CYP27C1: variants seen among roughly 807,000 people sequenced by gnomAD.
CYP27C1 encodes cytochrome P450 family 27 subfamily C member 1.
A neutral mutation model predicts 40.6 loss-of-function variants in CYP27C1; 29 were observed. That is an observed-to-expected ratio of 0.71 (90% CI 0.53 to 0.97). The LOEUF is 0.97. Among genes scored for constraint, CYP27C1 ranks in the 50% least tolerant of loss-of-function variants. The pLI, the probability that CYP27C1 is intolerant of heterozygous loss-of-function variation, is 0.00. For synonymous variants in CYP27C1, 198 were observed against 186.8 expected, an observed-to-expected ratio of 1.06 and a Z score of -0.49; for missense variants, 390 against 485.8, an observed-to-expected ratio of 0.80 and a Z score of 1.85.
At chr2:127,194,254 G>A (rs372658277) in intron 6 of CYP27C1, among the ~76,000 whole-genome samples, 72 of 152,196 alleles carry the variant, frequency 4.7e-4, no homozygotes, top group Non-Finnish European at 9.6e-4. Context: ...ATACTTCGGC[G>A]ATCGGATTAT....
rs1372727098 is a variant in CYP27C1, at chr2:127,200,215, G to A, written c.884-676C>T. 2.0e-5 allele frequency among the ~76,000 whole-genome samples: 3 copies of A among 152,200 alleles called. No homozygotes were observed. The highest frequency in any genetic ancestry group is 4.4e-5 in the Non-Finnish European group (3 of 68,040). ...GGCTGGTCTTTAACTACTGACCTCA[G>A]GTGATCCTCCCACCTCGGCCTCCCA... On this transcript the variant is annotated intron_variant, in intron 4 of 8. Coordinates refer to ENST00000664447, the MANE Select transcript of CYP27C1 (RefSeq NM_001367502.1). The surrounding 1 kb of genome is among the most constrained non-coding windows in gnomAD (Gnocchi z 4.2).
chr2:127,206,507 C>T (rs1683232842), intron 1 of CYP27C1, among the ~76,000 whole-genome samples: 1 of 152,092 alleles, frequency 6.6e-6, no homozygotes, highest in Non-Finnish European at 1.5e-5. Flanking sequence ...AGGGGTCTCT[C>T]AATGTTGCCA....
In CYP27C1 at chr2:127,201,361, C is replaced by T; in HGVS notation, c.674-30G>A. On this transcript the variant is annotated intron_variant, in intron 3 of 8. Transcript: ENST00000664447. The surrounding 1 kb of genome is among the most constrained non-coding windows in gnomAD (Gnocchi z 6.0). ...ACAGGAAAGAGAATTTGAAAACCCT[C>T]TTCTAGATTATTTACCATACCAACA... is the stretch of plus-strand genomic sequence containing the variant. 1 of 1,596,018 alleles carries T rather than the reference C, an allele frequency of 6.3e-7. No individual in the cohort carries two copies. The highest frequency in any genetic ancestry group is 8.6e-7 in the Non-Finnish European group (1 of 1,167,436).
chr2:127,187,495 G>A (rs1682658030), intron 8 of CYP27C1, 108 bp from the exon 9 acceptor site: 9 of 926,028 alleles, frequency 9.7e-6, no homozygotes, highest in South Asian at 4.5e-5. Context: ...TGCAGAGAGC[G>A]CAGGCAATGA....
rs1264995138 is a variant in CYP27C1 at position 127,218,554 on chromosome 2, T to G, written c.282+1435A>C. Among the ~76,000 whole-genome samples, 1 of 152,074 alleles carries G rather than the reference T, an allele frequency of 6.6e-6. No homozygotes were observed. The highest frequency in any genetic ancestry group is 1.5e-5 in the Non-Finnish European group (1 of 68,022). Reference sequence around the variant, plus strand: ...CCTGGCATTAAAATTAAATTAAATTTTAATTCCCGGCCGAATTAAAATTGC... The same window carrying G: ...CCTGGCATTAAAATTAAATTAAATTGTAATTCCCGGCCGAATTAAAATTGC... On this transcript the variant is annotated intron_variant, in intron 1 of 8. Transcript: ENST00000664447. This position sits in a 1 kb window ranked among gnomAD's most constrained non-coding sequence, Gnocchi z 6.0.
intron 1 of CYP27C1, among the ~76,000 whole-genome samples, chr2:127,211,090 T>C (rs569522058): frequency 1.2e-4 from 19 of 152,268 alleles, no homozygotes; most frequent in South Asian, 2.1e-4. Context: ...TGGCACTTAT[T>C]TGTCAATTAA....
Position 127,204,464 on chromosome 2 carries a change from GAAAGAAAGAAAGAAAGAAAGA to G in CYP27C1, c.474-914_474-894del, listed in dbSNP as rs1558930950. Among the ~76,000 whole-genome samples the G allele has an allele frequency of 1.6e-3, 110 of 70,676 alleles. 2 individuals carry two copies. Among genetic ancestry groups the G allele is most frequent in the Non-Finnish European group, 2.5e-3 (87 of 34,738 alleles). 46.4% of individuals were successfully genotyped at this position (70,676 alleles called of 152,430 possible). A position where few individuals can be genotyped will look rare whatever the true frequency, so the allele number is the denominator to read the frequency against. On this transcript the variant is annotated intron_variant, in intron 2 of 8. Transcript: ENST00000664447. ...AAAAAGAAAGAAAGAAAGAAAGAAAGAAAGAAAGAAAGAAAGAAAGAAAGGAAGGAAGGAAGGAAGGAAAGA... is the reference window on the plus strand; with the variant it reads ...AAAAAGAAAGAAAGAAAGAAAGAAAGAAGGAAGGAAGGAAGGAAGGAAAGA...
chr2:127,212,674 A>G (rs575340438), intron 1 of CYP27C1, among the ~76,000 whole-genome samples: 3 of 152,352 alleles, frequency 2.0e-5, no homozygotes, highest in East Asian at 3.9e-4. Context: ...TCTCAAAATA[A>G]TAAGAGCTAT....
At chr2:127,205,787 G>T (rs1024351711) in intron 2 of CYP27C1, 113 bp downstream of exon 2, 2 of 983,398 alleles carry the variant, frequency 2.0e-6, no homozygotes, top group East Asian at 1.1e-4. Context: ...CATTCCATGG[G>T]GGGGTTCTGT....
Position 127,212,529 on chromosome 2 carries a change from C to T in CYP27C1, c.283-6439G>A, listed in dbSNP as rs183765594. 1.2e-4 allele frequency among the ~76,000 whole-genome samples: 18 copies of T among 152,268 alleles called. No homozygotes were observed. In the East Asian group the frequency reaches 2.5e-3, roughly 21 times the overall value. ...GTTTTAACATACACAAATCAATAAA[C>T]GTAATCCATCACATAAACAGAACCA... On this transcript the variant is annotated intron_variant, in intron 1 of 8. Coordinates refer to ENST00000664447, the MANE Select transcript of CYP27C1 (RefSeq NM_001367502.1).
At position 127,187,373 on chromosome 2, in the gene CYP27C1, A is replaced by G; in HGVS notation, c.1512T>C (p.Phe504=). ...TGGTCTGAGAAGATGTTTTGATCTC[A>G]AAATGTTGAAGCAACTAAGAAGAGA... ...HLVVIQLLQH[F]EIKTSSQTNA... is the part of the protein sequence containing the mutation. The change falls in exon 9 of 9, where the codon TTT becomes TTC. Residue 504 remains phenylalanine (F), a synonymous_variant. Transcript: ENST00000664447. The G allele has an allele frequency of 1.2e-6, 2 of 1,614,006 alleles. No homozygotes were observed. Among genetic ancestry groups the G allele is most frequent in the South Asian group, 2.2e-5 (2 of 91,058 alleles).
At position 127,220,123 on chromosome 2, in the gene CYP27C1, G is replaced by C. The variant is rs1231166316; in HGVS notation, c.148C>G (p.Arg50Gly). Residue 50 changes from arginine (R) to glycine (G), a missense_variant, in exon 1 of 9, where the codon CGG becomes GGG. Physicochemically the swap from Arg to Gly is moderately radical, Grantham distance 125. Coordinates refer to ENST00000664447, the MANE Select transcript of CYP27C1 (RefSeq NM_001367502.1). The surrounding 1 kb of genome is among the most constrained non-coding windows in gnomAD (Gnocchi z 4.6). Reference sequence around the variant, plus strand: ...CCCCCTCCCGGCGGCGACCCCGGCCGCCCGGCGCCTTTGTCCTCGGCCCGC... The same window carrying C: ...CCCCCTCCCGGCGGCGACCCCGGCCCCCCGGCGCCTTTGTCCTCGGCCCGC... ...GARAEDKGAG[R>G]PGSPPGGGRA... 3 of 150,164 alleles carry C rather than the reference G, an allele frequency of 2.0e-5. No homozygotes were observed. Among genetic ancestry groups the C allele is most frequent in the African/African-American group, 7.3e-5 (3 of 41,154 alleles). 9.3% of individuals were successfully genotyped at this position (150,164 alleles called of 1,614,324 possible).
chr2:127,186,438 C>T lies in CYP27C1; in HGVS notation c.*833G>A, dbSNP rs999390349. On this transcript the variant is annotated 3_prime_UTR_variant, in exon 9 of 9. Transcript: ENST00000664447. The surrounding 1 kb of genome is among the most constrained non-coding windows in gnomAD (Gnocchi z 4.5). ...TTTGAGAAAGGGTCTCACTCTGTCA[C>T]CCAGGCTGAAGTGCAGTGGTGCCAT... 6.7e-6 allele frequency: 1 copy of T among 148,910 alleles called. No individual in the cohort carries two copies. The highest frequency in any genetic ancestry group is 2.6e-5 in the African/African-American group (1 of 38,986). 9.2% of individuals were successfully genotyped at this position (148,910 alleles called of 1,614,324 possible).
chr2:127,203,604 AC>A (rs1447628044), intron 2 of CYP27C1, 33 bp from the exon 3 acceptor site: 174 of 1,577,524 alleles, frequency 1.1e-4, no homozygotes, highest in Non-Finnish European at 1.4e-4. Flanking sequence ...AAATCATCTT[AC>A]TTACACTGAC....
intron 1 of CYP27C1, among the ~76,000 whole-genome samples, chr2:127,210,405 A>C (rs1422808736): frequency 6.6e-6 from 1 of 152,354 alleles, no homozygotes; most frequent in South Asian, 2.1e-4. Flanking sequence ...CACTGCAAAA[A>C]CACACCAAAA....
rs1162448112 is a variant in CYP27C1 at position 127,185,334 on chromosome 2, C to T, written c.*1937G>A. Reference sequence around the variant, plus strand: ...CAGCAGCGGGCACAGGTGCTACCCCCAGCCCGCACTTTGCTATTCACCCTG... The same window carrying T: ...CAGCAGCGGGCACAGGTGCTACCCCTAGCCCGCACTTTGCTATTCACCCTG... On this transcript the variant is annotated 3_prime_UTR_variant, in exon 9 of 9. Transcript: ENST00000664447. This position sits in a 1 kb window ranked among gnomAD's most constrained non-coding sequence, Gnocchi z 4.9. The T allele has an allele frequency of 1.3e-5, 2 of 152,264 alleles. No individual in the cohort carries two copies. Among genetic ancestry groups the T allele is most frequent in the African/African-American group, 4.8e-5 (2 of 41,428 alleles). 9.4% of individuals were successfully genotyped at this position (152,264 alleles called of 1,614,324 possible). A position where few individuals can be genotyped will look rare whatever the true frequency, so the allele number is the denominator to read the frequency against.
At chr2:127,211,621 G>A (rs1358673929) in intron 1 of CYP27C1, among the ~76,000 whole-genome samples, 3 of 151,870 alleles carry the variant, frequency 2.0e-5, no homozygotes, top group East Asian at 3.9e-4. Flanking sequence ...TCCTGACCTC[G>A]TGATCCACCC....
chr2:127,214,790 T>TTTTTTTTGGTG (rs1683395568), intron 1 of CYP27C1, among the ~76,000 whole-genome samples: 1 of 144,518 alleles, frequency 6.9e-6, no homozygotes, highest in Non-Finnish European at 1.5e-5. Flanking sequence ...TTGTTTTTTT[T>TTTTTTTTGGTG]TTTTTTTTTG....
Position 127,187,284 on chromosome 2 carries a change from A to G in CYP27C1, c.1601T>C (p.Val534Ala). Residue 534 changes from valine (V) to alanine (A), a missense_variant, in exon 9 of 9, where the codon GTT (valine) becomes GCT (alanine). Physicochemically the swap from Val to Ala is moderately conservative, Grantham distance 64. Transcript: ENST00000664447. ...TPGGPIHVRF[V>A]NRK Reference sequence around the variant, plus strand: ...TAAAATCTAGGCTTACTTTCTGTTAACAAATCGCACGTGGATGGGCCCCCC... The same window carrying G: ...TAAAATCTAGGCTTACTTTCTGTTAGCAAATCGCACGTGGATGGGCCCCCC... 6.2e-7 allele frequency: 1 copy of G among 1,614,134 alleles called. No homozygotes were observed. Among genetic ancestry groups the G allele is most frequent in the South Asian group, 1.1e-5 (1 of 91,072 alleles).
Sources: gnomAD v4.1 joint callset for allele counts (sites outside exome capture counted in the v4.1 genomes callset) on GRCh38, gnomAD v4.1.1 for gene constraint, Gnocchi (gnomAD v3.1) non-coding constraint, MANE v1.5 for transcripts, NCBI Gene and HGNC (gene_info 2026-07-23, HGNC 2026-07-21) for gene names.